WDR19: variants seen among roughly 807,000 people sequenced by gnomAD.
The protein encoded by WDR19 is WD repeat-containing protein 19.
A neutral mutation model predicts 180.0 loss-of-function variants in WDR19; 121 were observed. The observed-to-expected ratio is 0.67, with a 90% CI of 0.58 to 0.78. The LOEUF (loss-of-function observed/expected upper bound fraction) is 0.78, where lower values mean the gene tolerates loss of function less well. WDR19 is among the 30% of genes least tolerant of loss of function. The pLI is 0.00. For synonymous variants in WDR19, 497 were observed against 540.7 expected, an observed-to-expected ratio of 0.92 and a Z score of 1.12; for missense variants, 1,450 against 1,640.7, an observed-to-expected ratio of 0.88 and a Z score of 2.01.
chr4:39,215,496 A>T (rs1405250518), intron 10 of WDR19, among the ~76,000 whole-genome samples: 1 of 152,150 alleles, frequency 6.6e-6, no homozygotes, highest in African/African-American at 2.4e-5. Flanking sequence ...GCTATACCAT[A>T]TAGCCTAGGT....
At chr4:39,266,175 G>GGCCACA in intron 29 of WDR19, 35 bp downstream of exon 29, 1 of 1,500,556 alleles carries the variant, frequency 6.7e-7, no homozygotes, top group Non-Finnish European at 9.0e-7. Flanking sequence ...GCATCCTCAG[G>GGCCACA]TCTCAGTTAC....
At chr4:39,248,770 A>G (rs1339966999) in intron 24 of WDR19, among the ~76,000 whole-genome samples, 1 of 152,222 alleles carries the variant, frequency 6.6e-6, no homozygotes, top group Non-Finnish European at 1.5e-5. Flanking sequence ...CCATTACATA[A>G]TGGTAAAGGG....
intron 34 of WDR19, 52 bp from the exon 35 acceptor site, chr4:39,278,079 T>A: frequency 7.0e-7 from 1 of 1,433,438 alleles, no homozygotes; most frequent in Non-Finnish European, 9.5e-7. Context: ...TGACTAACAG[T>A]GGGAGTTTTT....
At chr4:39,283,357 A>G (rs1438099645) in intron 36 of WDR19, among the ~76,000 whole-genome samples, 1 of 150,506 alleles carries the variant, frequency 6.6e-6, no homozygotes, top group Non-Finnish European at 1.5e-5. Flanking sequence ...GTCTGTGTTC[A>G]TGGGGGATAC....
intron 31 of WDR19, among the ~76,000 whole-genome samples, chr4:39,270,827 G>A (rs1015463677): frequency 6.6e-6 from 1 of 151,056 alleles, no homozygotes. Flanking sequence ...TGTAAATATT[G>A]TTTAGTTTTC....
chr4:39,231,903 G>T lies in WDR19; in HGVS notation c.2089G>T (p.Val697Phe), dbSNP rs771578426. 8 of 1,613,702 alleles carry T rather than the reference G, an allele frequency of 5.0e-6. No individual in the cohort carries two copies. The South Asian group carries it at 7.7e-5, about 16-fold the overall frequency. ...CATGGAAGTGGAGTTTGCAATCCGT[G>T]TTTATCGGAGAATTGGAAATGTTGG... is the stretch of plus-strand genomic sequence containing the variant. ...HHMEVEFAIR[V>F]YRRIGNVGIV... is the part of the protein sequence containing the mutation. The change falls in exon 18 of 37, where the codon GTT becomes TTT. Residue 697 changes from valine to phenylalanine, a missense_variant. Val to Phe is a conservative substitution (Grantham distance 50). Coordinates refer to ENST00000399820, the MANE Select transcript of WDR19 (RefSeq NM_025132.4).
At chr4:39,218,369 C>T (rs1729299690) in intron 14 of WDR19, 2 of 459,588 alleles carry the variant, frequency 4.4e-6, no homozygotes, top group African/African-American at 2.0e-5. Flanking sequence ...CCACTGCACA[C>T]CTAGCCTGTG....
In WDR19 at chr4:39,228,213, A is replaced by C; in HGVS notation, c.1633A>C (p.Asn545His). 1 of 1,612,396 alleles carries C rather than the reference A, an allele frequency of 6.2e-7. No homozygotes were observed. Among genetic ancestry groups the C allele is most frequent in the Non-Finnish European group, 8.5e-7 (1 of 1,179,470 alleles). The change falls in exon 16 of 37, where the codon AAT becomes CAT. Residue 545 changes from asparagine (N) to histidine (H), a missense_variant. Asn to His is a moderately conservative substitution (Grantham distance 68, BLOSUM62 1). Coordinates refer to ENST00000399820, the MANE Select transcript of WDR19 (RefSeq NM_025132.4). ...ATCTGTAAATTTTATTTTGTAGGTC[A>C]ATGACGCTACCTATGAGATTCCAGA... ...KSDGFVYCPVNDATYEIPDFS... is the reference protein window; with the variant it reads ...KSDGFVYCPVHDATYEIPDFS...
At chr4:39,275,565 C>T (rs1417460189) in intron 33 of WDR19, among the ~76,000 whole-genome samples, 1 of 152,250 alleles carries the variant, frequency 6.6e-6, no homozygotes, top group South Asian at 2.1e-4. Flanking sequence ...GGCAAGACAT[C>T]TGCCACACCC....
chr4:39,213,702 A>G (rs1728765671), intron 9 of WDR19, among the ~76,000 whole-genome samples: 1 of 152,180 alleles, frequency 6.6e-6, no homozygotes, highest in Non-Finnish European at 1.5e-5. Flanking sequence ...GAAAGTTACT[A>G]AACACACACA....
chr4:39,219,675 C>T (rs141642181), intron 14 of WDR19, among the ~76,000 whole-genome samples: 10 of 152,202 alleles, frequency 6.6e-5, no homozygotes, highest in Admixed American at 3.9e-4. Context: ...ATCTCTAATG[C>T]GTGCATTTAG....
In WDR19 at chr4:39,253,991, C is replaced by T; in HGVS notation, c.2962C>T (p.Gln988Ter). 15 of 1,612,408 alleles carry T rather than the reference C, an allele frequency of 9.3e-6. No homozygotes were observed. The highest frequency in any genetic ancestry group is 1.3e-5 in the Non-Finnish European group (15 of 1,178,850). The change falls in exon 26 of 37, where the codon CAG becomes TAG. Residue 988 changes from glutamine (Q) to a stop codon, truncating the protein, a stop_gained. Coordinates refer to ENST00000399820, the MANE Select transcript of WDR19 (RefSeq NM_025132.4). LOFTEE classifies it high-confidence loss of function. ...KCNNEAFTLA[Q>*]QHNKMEIYAD... ...CAACAATGAAGCTTTCACACTGGCT[C>T]AGCAACACAACAAAATGGAAATCTA...
rs1316795249 is a variant in WDR19, at chr4:39,198,169, A to G, written c.407-1309A>G. ...CTTTTAGTTATACCTGAACAGTTAA[A>G]CAGTGAATGTTAAATCTGCTTATGT... On this transcript the variant is annotated intron_variant, in intron 5 of 36. Coordinates refer to ENST00000399820, the MANE Select transcript of WDR19 (RefSeq NM_025132.4). Among the ~76,000 whole-genome samples the G allele has an allele frequency of 3.3e-5, 5 of 152,166 alleles. No individual in the cohort carries two copies. In the East Asian group the frequency reaches 9.6e-4, roughly 29 times the overall value.
intron 36 of WDR19, 86 bp from the exon 37 acceptor site, chr4:39,285,401 C>T (rs985171105): frequency 6.6e-6 from 1 of 152,132 alleles, no homozygotes; most frequent in South Asian, 2.1e-4. Flanking sequence ...AAAAAAAATT[C>T]TTTTTAGTAT....
intron 9 of WDR19, among the ~76,000 whole-genome samples, chr4:39,209,382 A>G (rs978726333): frequency 2.0e-5 from 3 of 152,180 alleles, no homozygotes; most frequent in Non-Finnish European, 4.4e-5. Context: ...CATTAGGGGG[A>G]AAAAGGGCCT....
rs1472642783 is a variant in WDR19 at position 39,203,736 on chromosome 4, T to A, written c.603+14T>A. The A allele has an allele frequency of 1.2e-6, 2 of 1,605,012 alleles. No individual in the cohort carries two copies. On this transcript the variant is annotated intron_variant, in intron 7 of 36. Coordinates refer to ENST00000399820, the MANE Select transcript of WDR19 (RefSeq NM_025132.4). ...GCTGAAAGCATGGTAAGAATTCTAA[T>A]CAAATCCACGTGCAAATCATTTGGG...
At chr4:39,188,573 C>T (rs959264477) in intron 3 of WDR19, among the ~76,000 whole-genome samples, 2 of 148,372 alleles carry the variant, frequency 1.3e-5, no homozygotes, top group African/African-American at 5.0e-5. Context: ...CAAGTATAAT[C>T]GCACCACCGC....
At position 39,271,177 on chromosome 4, in the gene WDR19, G is replaced by A. The variant is rs576343941; in HGVS notation, c.3483+1077G>A. Among the ~76,000 whole-genome samples, 9 of 152,302 alleles carry A rather than the reference G, an allele frequency of 5.9e-5. No individual in the cohort carries two copies. In the South Asian group the frequency reaches 8.3e-4, roughly 14 times the overall value. ...CTCCCAAAGTGCTGGGATTACAGGC[G>A]TGAGCCACTGTGCCCGGCCAGAAAA... On this transcript the variant is annotated intron_variant, in intron 31 of 36. Transcript: ENST00000399820.
chr4:39,261,337 G>A (rs1355650946), intron 28 of WDR19, among the ~76,000 whole-genome samples: 2 of 152,014 alleles, frequency 1.3e-5, no homozygotes, highest in African/African-American at 4.8e-5. Flanking sequence ...GGGTGTAGGT[G>A]TGGTCAGCCT....
Sources: gnomAD v4.1 joint callset for allele counts (sites outside exome capture counted in the v4.1 genomes callset) on GRCh38, gnomAD v4.1.1 for gene constraint, MANE v1.5 for transcripts, NCBI Gene and HGNC (gene_info 2026-07-23, HGNC 2026-07-21) for gene names.